The following SPTSSA variants were observed in gnomAD, a reference collection of about 807,000 sequenced individuals.
The protein encoded by SPTSSA is small subunit of serine palmitoyltransferase A.
A neutral mutation model predicts 9.1 loss-of-function variants in SPTSSA; 8 were observed. The ratio of observed to expected loss-of-function variants is 0.88; its 90% CI spans 0.51 to 1.58. The LOEUF (loss-of-function observed/expected upper bound fraction) is 1.58, where lower values mean the gene tolerates loss of function less well. Among genes scored for constraint, SPTSSA ranks in the 40% most tolerant of loss-of-function variants. The probability of loss-of-function intolerance (pLI) is 0.00; values close to 1 mark genes in which losing one functional copy is unlikely to be tolerated. For synonymous variants in SPTSSA, 42 were observed against 37.7 expected, an observed-to-expected ratio of 1.11 and a Z score of -0.41; for missense variants, 100 against 93.8, an observed-to-expected ratio of 1.07 and a Z score of -0.27.
intron 1 of SPTSSA, among the ~76,000 whole-genome samples, chr14:34,454,152 T>C (rs953611212): frequency 5.3e-5 from 8 of 152,068 alleles, no homozygotes; most frequent in African/African-American, 1.7e-4. Context: ...GCCACTGAAC[T>C]CCAGCCTGGG....
rs1216948519 is a variant in SPTSSA at position 34,432,920 on chromosome 14, CA to C, written c.*2280del. ...GTAACTTTTATATGCAGGGGAAAAC[CA>C]AAAAACTTCATGTGACTCACTTTAT... On this transcript the variant is annotated 3_prime_UTR_variant, in exon 2 of 2. Coordinates refer to ENST00000298130, the MANE Select transcript of SPTSSA (RefSeq NM_138288.4). The C allele has an allele frequency of 6.6e-6, 1 of 151,342 alleles. No individual in the cohort carries two copies. Among genetic ancestry groups the C allele is most frequent in the Non-Finnish European group, 1.5e-5 (1 of 67,818 alleles). The allele number at this position is 151,342 out of a possible 1,614,324, so 9.4% of individuals were successfully genotyped here. A position where few individuals can be genotyped will look rare whatever the true frequency, so the allele number is the denominator to read the frequency against.
chr14:34,439,497 TTAAAA>T (rs982718099), intron 1 of SPTSSA, among the ~76,000 whole-genome samples: 3 of 151,794 alleles, frequency 2.0e-5, no homozygotes, highest in African/African-American at 7.3e-5. Context: ...TAAAATTAAC[TTAAAA>T]TAAAAAAAAG....
intron 1 of SPTSSA, among the ~76,000 whole-genome samples, chr14:34,442,944 A>G (rs1883342770): frequency 6.8e-6 from 1 of 146,222 alleles, no homozygotes; most frequent in Admixed American, 6.8e-5. Context: ...GTGTGTATAC[A>G]TGTCTAGGGG....
chr14:34,439,260 A>G (rs1326766748), intron 1 of SPTSSA, among the ~76,000 whole-genome samples: 1 of 152,138 alleles, frequency 6.6e-6, no homozygotes, highest in Non-Finnish European at 1.5e-5. Flanking sequence ...GCTGCTTGGC[A>G]GAGGACAATA....
rs368600251 is a variant in SPTSSA, at chr14:34,462,202, C to T, written c.6G>A (p.Ala2=). The T allele has an allele frequency of 1.2e-5, 18 of 1,529,230 alleles. No individual in the cohort carries two copies. The Admixed American group carries it at 1.3e-4, about 11-fold the overall frequency. 94.7% of individuals were successfully genotyped at this position (1,529,230 alleles called of 1,614,324 possible). A position where few individuals can be genotyped will look rare whatever the true frequency, so the allele number is the denominator to read the frequency against. ...TCCAGGCCCGCGCCAGCGCCATCCC[C>T]GCCATGCGCCTCCCGCGATGCAGCT... is the stretch of plus-strand genomic sequence containing the variant. M[A]GMALARAWKQ... The change falls in exon 1 of 2, where the codon GCG becomes GCA. Residue 2 remains alanine (A), a synonymous_variant. Coordinates refer to ENST00000298130, the MANE Select transcript of SPTSSA (RefSeq NM_138288.4).
At position 34,434,481 on chromosome 14, in the gene SPTSSA, C is replaced by G. The variant is rs543363513; in HGVS notation, c.*720G>C. On this transcript the variant is annotated 3_prime_UTR_variant, in exon 2 of 2. Coordinates refer to ENST00000298130, the MANE Select transcript of SPTSSA (RefSeq NM_138288.4). ...GCATTACATAATAATGCTACTTAAC[C>G]ACCTTTTGTCTCAAGAATTATCACC... 1 of 152,646 alleles carries G rather than the reference C, an allele frequency of 6.6e-6. No individual in the cohort carries two copies. Among genetic ancestry groups the G allele is most frequent in the East Asian group, 1.9e-4 (1 of 5,172 alleles). The allele number at this position is 152,646 out of a possible 1,614,324, so 9.5% of individuals were successfully genotyped here. A position where few individuals can be genotyped will look rare whatever the true frequency, so the allele number is the denominator to read the frequency against.
intron 1 of SPTSSA, among the ~76,000 whole-genome samples, chr14:34,448,326 G>C (rs758249735): frequency 2.0e-5 from 3 of 152,038 alleles, no homozygotes; most frequent in African/African-American, 4.8e-5. Flanking sequence ...CAATAGGTAG[G>C]GACTAGGCCT....
At chr14:34,446,208 G>C (rs1883420049) in intron 1 of SPTSSA, among the ~76,000 whole-genome samples, 1 of 152,178 alleles carries the variant, frequency 6.6e-6, no homozygotes, top group Non-Finnish European at 1.5e-5. Context: ...TTGGGTTCAT[G>C]GTCTCACAAC....
At chr14:34,443,550 T>TGTGTGTGTGTGTGTGTG (rs1555314418) in intron 1 of SPTSSA, among the ~76,000 whole-genome samples, 35 of 91,016 alleles carry the variant, frequency 3.8e-4, no homozygotes, top group Admixed American at 8.5e-4. Context: ...TGTGTGTGTG[T>TGTGTGTGTGTGTGTGTG]TTTGAGATGG....
At chr14:34,451,687 C>T (rs929163380) in intron 1 of SPTSSA, among the ~76,000 whole-genome samples, 8 of 145,168 alleles carry the variant, frequency 5.5e-5, no homozygotes, top group African/African-American at 2.1e-4. Context: ...CACTGCACTC[C>T]TGCCTGGGCG....
chr14:34,455,457 TGCTG>T (rs1182694431), intron 1 of SPTSSA, among the ~76,000 whole-genome samples: 5 of 152,044 alleles, frequency 3.3e-5, no homozygotes, highest in African/African-American at 1.2e-4. Flanking sequence ...CATAGGAAAC[TGCTG>T]ACACTGGTTG....
chr14:34,449,175 G>T (rs1566424753), intron 1 of SPTSSA, among the ~76,000 whole-genome samples: 1 of 149,662 alleles, frequency 6.7e-6, no homozygotes, highest in African/African-American at 2.5e-5. Context: ...GGATCACCTT[G>T]GTTCAAGACT....
intron 1 of SPTSSA, among the ~76,000 whole-genome samples, chr14:34,453,631 C>T (rs903578321): frequency 1.6e-4 from 25 of 152,296 alleles, no homozygotes; most frequent in African/African-American, 5.8e-4. Context: ...TACTAAATTG[C>T]ATACATTTTA....
chr14:34,453,656 A>G (rs1484808784), intron 1 of SPTSSA, among the ~76,000 whole-genome samples: 1 of 152,226 alleles, frequency 6.6e-6, no homozygotes, highest in African/African-American at 2.4e-5. Context: ...GTCTGACTCA[A>G]TAATATTTTC....
At chr14:34,458,496 T>C (rs1013309617) in intron 1 of SPTSSA, among the ~76,000 whole-genome samples, 1 of 146,116 alleles carries the variant, frequency 6.8e-6, no homozygotes, top group Non-Finnish European at 1.5e-5. Context: ...AGATCGACTT[T>C]CTTTTTATTT....
Position 34,435,623 on chromosome 14 carries a change from C to CTTTTTTTT in SPTSSA, c.113-327_113-320dup, listed in dbSNP as rs769896697. 9.5e-4 allele frequency among the ~76,000 whole-genome samples: 88 copies of CTTTTTTTT among 92,430 alleles called. 3 individuals carry two copies. The highest frequency in any genetic ancestry group is 1.9e-3 in the African/African-American group (42 of 21,792). The allele number at this position is 92,430 out of a possible 152,430, so 60.6% of individuals were successfully genotyped here. A position where few individuals can be genotyped will look rare whatever the true frequency, so the allele number is the denominator to read the frequency against. ...CAAATGTTTTTGTTTGTTTGTTTCT[C>CTTTTTTTT]TTTTTTTTTTTTTTTTTTTTTTGAG... is the stretch of plus-strand genomic sequence containing the variant. On this transcript the variant is annotated intron_variant, in intron 1 of 1. Transcript: ENST00000298130.
chr14:34,443,624 C>T (rs1474637568), intron 1 of SPTSSA, among the ~76,000 whole-genome samples: 3 of 150,794 alleles, frequency 2.0e-5, no homozygotes, highest in African/African-American at 7.4e-5. Flanking sequence ...CAACCTCTGC[C>T]TCCCAGGTTC....
intron 1 of SPTSSA, among the ~76,000 whole-genome samples, chr14:34,442,211 CT>C (rs147658423): frequency 0.019 from 2,897 of 152,194 alleles, 98 homozygotes; most frequent in African/African-American, 0.066. Context: ...GACTCTTTAT[CT>C]TTTCCGCACA....
At chr14:34,447,709 A>T (rs930619101) in intron 1 of SPTSSA, among the ~76,000 whole-genome samples, 3 of 152,174 alleles carry the variant, frequency 2.0e-5, no homozygotes, top group Non-Finnish European at 4.4e-5. Flanking sequence ...ACCAAACCAA[A>T]CCAAAACGGG....
Sources: allele counts gnomAD v4.1 joint callset (sites outside exome capture counted in the v4.1 genomes callset), GRCh38; gene constraint gnomAD v4.1.1; transcripts MANE v1.5; gene names NCBI Gene and HGNC (gene_info 2026-07-23, HGNC 2026-07-21).